DENND1B: variants seen among roughly 807,000 people sequenced by gnomAD.
DENND1B encodes the protein DENN domain-containing protein 1B.
A neutral mutation model predicts 90.1 loss-of-function variants in DENND1B; 59 were observed. That is an observed-to-expected ratio of 0.65 (90% CI 0.53 to 0.81). The LOEUF is 0.81. Ranked by LOEUF, DENND1B falls within the 40% of genes least tolerant of loss-of-function variation. DENND1B has a pLI of 0.00. For synonymous variants in DENND1B, 337 were observed against 324.6 expected (o/e 1.04, Z -0.41); for missense variants, 862 against 912.6 (o/e 0.94, Z 0.71).
At chr1:197,576,324 G>A (rs1367873143) in intron 15 of DENND1B, among the ~76,000 whole-genome samples, 1 of 151,908 alleles carries the variant, frequency 6.6e-6, no homozygotes, top group African/African-American at 2.4e-5. Context: ...GCCCAAAGAG[G>A]CACCAAGCAC....
intron 20 of DENND1B, among the ~76,000 whole-genome samples, chr1:197,530,040 T>A (rs1052405803): frequency 2.6e-4 from 40 of 152,204 alleles, no homozygotes; most frequent in African/African-American, 9.6e-4. Flanking sequence ...TCTTCATGGC[T>A]GTACCCTTGA....
chr1:197,645,725 G>C lies in DENND1B; in HGVS notation c.526C>G (p.Pro176Ala). The C allele has an allele frequency of 1.9e-6, 3 of 1,570,856 alleles. No homozygotes were observed. The highest frequency in any genetic ancestry group is 1.8e-5 in the Admixed American group (1 of 56,304). ...ATTGTTGGGAGTCCAGTTACATCAG[G>C]GGCAATGAAGTAGGAATGCTAATCA... is the stretch of plus-strand genomic sequence containing the variant. ...ALVPHSYFIA[P>A]DVTGLPTIPE... Residue 176 changes from proline (P) to alanine (A), a missense_variant, in exon 9 of 23, where the codon CCT (proline) becomes GCT (alanine). By Grantham distance (27) the Pro-to-Ala change is conservative. Coordinates refer to ENST00000620048, the MANE Select transcript of DENND1B (RefSeq NM_001195215.2).
Position 197,599,695 on chromosome 1 carries a change from C to T in DENND1B, c.922-4362G>A, listed in dbSNP as rs764700001. Among the ~76,000 whole-genome samples the T allele has an allele frequency of 5.4e-4, 82 of 151,810 alleles. 1 individual carries two copies. The highest frequency in any genetic ancestry group is 3.3e-4 in the Admixed American group (5 of 15,194). ...ATTAAGAAGCAAAATTAACACTTCTCTCTTAATAATTTTCTAACAAGTCTC... is the reference window on the plus strand; with the variant it reads ...ATTAAGAAGCAAAATTAACACTTCTTTCTTAATAATTTTCTAACAAGTCTC... On this transcript the variant is annotated intron_variant, in intron 13 of 22. Coordinates refer to ENST00000620048, the MANE Select transcript of DENND1B (RefSeq NM_001195215.2).
At chr1:197,737,211 T>A (rs1297030692) in intron 2 of DENND1B, among the ~76,000 whole-genome samples, 1 of 152,160 alleles carries the variant, frequency 6.6e-6, no homozygotes, top group Non-Finnish European at 1.5e-5. Flanking sequence ...AACAGAATAG[T>A]GGGAAAATCA....
rs187792244 is a variant in DENND1B, at chr1:197,572,330, A to C, written c.1149+10822T>G. On this transcript the variant is annotated intron_variant, in intron 15 of 22. Coordinates refer to ENST00000620048, the MANE Select transcript of DENND1B (RefSeq NM_001195215.2). ...TGCTCACTGCTACCGCAGCAGTCTG[A>C]GATTGACCTGTGAGGCAGCAGCCTG... is the stretch of plus-strand genomic sequence containing the variant. 5.3e-5 allele frequency among the ~76,000 whole-genome samples: 8 copies of C among 152,212 alleles called. No individual in the cohort carries two copies. The East Asian group carries it at 1.6e-3, about 30-fold the overall frequency.
At chr1:197,692,660 C>T (rs958987674) in intron 3 of DENND1B, among the ~76,000 whole-genome samples, 4 of 151,832 alleles carry the variant, frequency 2.6e-5, no homozygotes, top group African/African-American at 9.6e-5. Flanking sequence ...CAATGCAAAA[C>T]ATATTAAATA....
intron 8 of DENND1B, 110 bp from the exon 9 acceptor site, chr1:197,645,853 G>T: frequency 3.2e-6 from 2 of 631,956 alleles, no homozygotes; most frequent in Non-Finnish European, 2.5e-6. Context: ...AAATGCCATG[G>T]ACTGACATTC....
At chr1:197,730,065 G>A (rs1191969121) in intron 2 of DENND1B, among the ~76,000 whole-genome samples, 1 of 152,152 alleles carries the variant, frequency 6.6e-6, no homozygotes, top group Non-Finnish European at 1.5e-5. Flanking sequence ...TTGAGAGCCA[G>A]AGGTATATCA....
intron 2 of DENND1B, among the ~76,000 whole-genome samples, chr1:197,724,846 C>G (rs549174991): frequency 1.3e-5 from 2 of 151,800 alleles, no homozygotes; most frequent in South Asian, 4.2e-4. Context: ...ATGAATAGAA[C>G]AGCATATCTT....
chr1:197,519,001 T>C (rs536172029), intron 20 of DENND1B, among the ~76,000 whole-genome samples: 1 of 151,968 alleles, frequency 6.6e-6, no homozygotes, highest in Non-Finnish European at 1.5e-5. Context: ...TCTGTAAAGA[T>C]AGAAATTAAC....
At chr1:197,746,378 G>A (rs937935121) in intron 2 of DENND1B, among the ~76,000 whole-genome samples, 17 of 152,172 alleles carry the variant, frequency 1.1e-4, no homozygotes, top group African/African-American at 4.1e-4. Flanking sequence ...CTGGGTGACA[G>A]AGACTGTCTC....
At chr1:197,602,865 T>C (rs1676329475) in intron 13 of DENND1B, among the ~76,000 whole-genome samples, 1 of 151,506 alleles carries the variant, frequency 6.6e-6, no homozygotes, top group African/African-American at 2.4e-5. Context: ...AGTTCTTACA[T>C]GCTCTTAATG....
intron 2 of DENND1B, among the ~76,000 whole-genome samples, chr1:197,759,772 C>T (rs1287718836): frequency 2.1e-5 from 3 of 140,932 alleles, no homozygotes; most frequent in Non-Finnish European, 3.1e-5. Flanking sequence ...AAAAAGCATG[C>T]GGGAGGAAGA....
chr1:197,607,016 A>G (rs1676742862), intron 13 of DENND1B, 57 bp downstream of exon 13: 3 of 1,308,102 alleles, frequency 2.3e-6, no homozygotes, highest in Non-Finnish European at 3.3e-6. Flanking sequence ...TAACTTAGTA[A>G]TTCAGAGGTC....
intron 2 of DENND1B, among the ~76,000 whole-genome samples, chr1:197,752,041 AGAG>A (rs993796923): frequency 1.4e-4 from 21 of 151,588 alleles, no homozygotes; most frequent in African/African-American, 4.9e-4. Flanking sequence ...GAGAAGGAGA[AGAG>A]GAGGAAGAAA....
intron 3 of DENND1B, among the ~76,000 whole-genome samples, chr1:197,707,373 A>C (rs528921699): frequency 6.6e-6 from 1 of 152,118 alleles, no homozygotes; most frequent in African/African-American, 2.4e-5. Context: ...GGTGATTATA[A>C]TTAACAAGAA....
intron 2 of DENND1B, among the ~76,000 whole-genome samples, chr1:197,755,749 T>C (rs1571632640): frequency 6.6e-6 from 1 of 152,074 alleles, no homozygotes; most frequent in East Asian, 1.9e-4. Context: ...GAAGGCAAGG[T>C]AGAGCAACTC....
intron 11 of DENND1B, among the ~76,000 whole-genome samples, chr1:197,616,549 C>T (rs1677664427): frequency 6.6e-6 from 1 of 151,032 alleles, no homozygotes; most frequent in African/African-American, 2.4e-5. Context: ...TATTACCATG[C>T]TGTGGAAACA....
Position 197,558,987 on chromosome 1 carries a change from A to G in DENND1B, c.1150-5875T>C, listed in dbSNP as rs1045415432. Among the ~76,000 whole-genome samples, 29 of 152,082 alleles carry G rather than the reference A, an allele frequency of 1.9e-4. 1 individual carries two copies. Among genetic ancestry groups the G allele is most frequent in the African/African-American group, 6.0e-4 (25 of 41,550 alleles). On this transcript the variant is annotated intron_variant, in intron 15 of 22. Transcript: ENST00000620048. ...AGGAGGCTTCTTTCCAAAAAATATA[A>G]AGAATATGTTTTGATCAAAGTCACA...
Sources: allele counts gnomAD v4.1 joint callset (sites outside exome capture counted in the v4.1 genomes callset), GRCh38; gene constraint gnomAD v4.1.1; transcripts MANE v1.5; gene names NCBI Gene and HGNC (gene_info 2026-07-23, HGNC 2026-07-21).